Variants in PSD3 observed in about 807,000 individuals in gnomAD.
PSD3 encodes the protein pleckstrin and Sec7 domain containing 3, also known as PH and SEC7 domain-containing protein 3.
In PSD3, 49 loss-of-function variants were observed where a neutral mutation model predicts 105.5. The ratio of observed to expected loss-of-function variants is 0.46; its 90% CI spans 0.37 to 0.59. The LOEUF (loss-of-function observed/expected upper bound fraction) is 0.59, where lower values mean the gene tolerates loss of function less well. Among genes scored for constraint, PSD3 ranks in the 20% least tolerant of loss-of-function variants. The pLI is 0.00. For synonymous variants in PSD3, 557 were observed against 457.8 expected (o/e 1.22, Z -2.77); for missense variants, 1,561 against 1,263.8 (o/e 1.24, Z -3.57).
rs111549575 is a variant in PSD3, at chr8:18,846,262, T to C, written c.1634+21412A>G. ...GGTAAATATTTCTCTAGAGAAACAG[T>C]GATATTCCCTGCTAAACCTCACTCC... On this transcript the variant is annotated intron_variant, in intron 4 of 15. Coordinates refer to ENST00000327040, the MANE Select transcript of PSD3 (RefSeq NM_015310.4). Among the ~76,000 whole-genome samples the C allele has an allele frequency of 3.7e-3, 559 of 152,272 alleles. 2 individuals carry two copies. Among genetic ancestry groups the C allele is most frequent in the African/African-American group, 0.013 (540 of 41,562 alleles).
intron 12 of PSD3, among the ~76,000 whole-genome samples, chr8:18,577,852 T>C (rs1802556664): frequency 6.6e-6 from 1 of 152,128 alleles, no homozygotes; most frequent in African/African-American, 2.4e-5. Flanking sequence ...CATCTATGTT[T>C]CCTCGCTCAC....
At chr8:18,706,075 C>T (rs1033318573) in intron 9 of PSD3, among the ~76,000 whole-genome samples, 2 of 152,134 alleles carry the variant, frequency 1.3e-5, no homozygotes, top group Admixed American at 6.5e-5. Flanking sequence ...TAGGTTGGCT[C>T]AGCGTCCAGT....
intron 15 of PSD3, among the ~76,000 whole-genome samples, chr8:18,547,935 C>T (rs1401143527): frequency 2.0e-5 from 3 of 152,132 alleles, no homozygotes; most frequent in African/African-American, 7.2e-5. Flanking sequence ...TATGATGCAG[C>T]AATTGGCTCT....
intron 11 of PSD3, among the ~76,000 whole-genome samples, chr8:18,609,800 C>T (rs947480391): frequency 6.6e-6 from 1 of 152,172 alleles, no homozygotes. Flanking sequence ...TAACCTCTAA[C>T]TTTCTTTTAC....
chr8:19,069,413 C>A (rs537034124), intron 1 of PSD3, among the ~76,000 whole-genome samples: 1 of 152,208 alleles, frequency 6.6e-6, no homozygotes, highest in African/African-American at 2.4e-5. Flanking sequence ...AGGGGGCCAG[C>A]CAAGTTGACA....
At chr8:18,650,994 C>G (rs1033383208) in intron 10 of PSD3, among the ~76,000 whole-genome samples, 6 of 152,182 alleles carry the variant, frequency 3.9e-5, no homozygotes, top group Non-Finnish European at 8.8e-5. Flanking sequence ...CACTTCTTGA[C>G]TTAATTTTCC....
intron 9 of PSD3, among the ~76,000 whole-genome samples, chr8:18,668,145 G>A (rs527820886): frequency 1.9e-4 from 29 of 152,362 alleles, no homozygotes; most frequent in African/African-American, 7.0e-4. Context: ...TGCAGCGGCA[G>A]GCTGAAGGGT....
intron 1 of PSD3, among the ~76,000 whole-genome samples, chr8:19,020,954 G>C (rs1236539977): frequency 1.3e-5 from 2 of 152,152 alleles, no homozygotes; most frequent in African/African-American, 4.8e-5. Context: ...CAGCAGAGGA[G>C]TGCCAGGCAA....
chr8:18,585,988 T>G (rs2130451175), intron 12 of PSD3, among the ~76,000 whole-genome samples: 1 of 152,150 alleles, frequency 6.6e-6, no homozygotes, highest in Admixed American at 6.5e-5. Flanking sequence ...AAGAGATATA[T>G]TTTCCTAGGG....
chr8:18,736,787 C>T (rs1804181858), intron 9 of PSD3, among the ~76,000 whole-genome samples: 1 of 152,206 alleles, frequency 6.6e-6, no homozygotes, highest in South Asian at 2.1e-4. Flanking sequence ...TCAGAATCGT[C>T]ATCAATTAAA....
At chr8:18,905,972 C>T (rs1313229421) in intron 2 of PSD3, among the ~76,000 whole-genome samples, 2 of 152,062 alleles carry the variant, frequency 1.3e-5, no homozygotes, top group African/African-American at 4.8e-5. Context: ...TTTGCAAAAA[C>T]AATTATAACA....
At chr8:18,945,649 T>A (rs530778585) in intron 1 of PSD3, among the ~76,000 whole-genome samples, 8 of 152,332 alleles carry the variant, frequency 5.3e-5, no homozygotes, top group African/African-American at 1.4e-4. Flanking sequence ...ACTTTATATC[T>A]ACATTATCTC....
chr8:19,014,255 G>T (rs1311739686), upstream of PSD3: 2 of 152,126 alleles, frequency 1.3e-5, no homozygotes, highest in Non-Finnish European at 2.9e-5. The surrounding 1 kb of genome is among the most constrained non-coding windows in gnomAD (Gnocchi z 4.9). Flanking sequence ...CTCTCTGACC[G>T]GGCTCCCCCG....
At chr8:18,802,226 TAA>T (rs1297196603) in intron 6 of PSD3, 9 of 244,000 alleles carry the variant, frequency 3.7e-5, no homozygotes, top group Admixed American at 1.3e-4. Flanking sequence ...AGTTTATGTA[TAA>T]AAATATCTTT....
intron 1 of PSD3, among the ~76,000 whole-genome samples, chr8:19,081,861 C>T (rs539394062): frequency 2.6e-5 from 4 of 152,282 alleles, no homozygotes; most frequent in South Asian, 2.1e-4. Context: ...CTACTGTACA[C>T]GTGTAGGAAT....
At chr8:18,608,988 C>A (rs1805060536) in intron 11 of PSD3, among the ~76,000 whole-genome samples, 1 of 151,986 alleles carries the variant, frequency 6.6e-6, no homozygotes, top group Non-Finnish European at 1.5e-5. Context: ...CCCTGATCAT[C>A]TTTTTTTTCC....
chr8:18,734,772 A>G (rs1254423156), intron 9 of PSD3, among the ~76,000 whole-genome samples: 1 of 152,202 alleles, frequency 6.6e-6, no homozygotes. Context: ...CTGTAAATAT[A>G]AAAGTCAACA....
intron 8 of PSD3, among the ~76,000 whole-genome samples, chr8:18,791,259 CCAGA>C (rs1256535653): frequency 3.3e-5 from 5 of 152,120 alleles, no homozygotes; most frequent in Non-Finnish European, 5.9e-5. Flanking sequence ...AAAGAACCAC[CCAGA>C]CAGTCAAAGC....
At chr8:18,713,922 C>CA (rs1211692765) in intron 9 of PSD3, among the ~76,000 whole-genome samples, 2 of 151,970 alleles carry the variant, frequency 1.3e-5, no homozygotes, top group Non-Finnish European at 2.9e-5. Context: ...GGTACTGGTA[C>CA]AAAAAACAGA....
Sources: gnomAD v4.1 joint callset for allele counts (sites outside exome capture counted in the v4.1 genomes callset) on GRCh38, gnomAD v4.1.1 for gene constraint, Gnocchi (gnomAD v3.1) non-coding constraint, MANE v1.5 for transcripts, NCBI Gene and HGNC (gene_info 2026-07-23, HGNC 2026-07-21) for gene names.